The following TMEM132D variants were observed in gnomAD, a reference collection of about 807,000 sequenced individuals.
The protein encoded by TMEM132D is mature OL transmembrane protein.
Under a neutral mutation model 62.3 loss-of-function variants are expected in TMEM132D, and 21 were observed. That is an observed-to-expected ratio of 0.34 (90% CI 0.24 to 0.49). The LOEUF (loss-of-function observed/expected upper bound fraction) is 0.49, where lower values mean the gene tolerates loss of function less well. Ranked by LOEUF, TMEM132D falls within the 20% of genes least tolerant of loss-of-function variation. The probability of loss-of-function intolerance (pLI) is 0.99; values close to 1 mark genes in which losing one functional copy is unlikely to be tolerated. For missense variants in TMEM132D, 1,346 were observed against 1,402.8 expected (o/e 0.96, Z 0.65); for synonymous variants, 621 against 575.6 (o/e 1.08, Z -1.13).
chr12:129,308,521 C>T (rs181292153), intron 4 of TMEM132D, among the ~76,000 whole-genome samples: 6 of 152,278 alleles, frequency 3.9e-5, no homozygotes, highest in East Asian at 1.9e-4. Context: ...CTTTGGCCAA[C>T]GTTTCAATAA....
At chr12:129,483,193 T>G (rs981741750) in intron 3 of TMEM132D, among the ~76,000 whole-genome samples, 12 of 152,242 alleles carry the variant, frequency 7.9e-5, no homozygotes, top group African/African-American at 2.4e-4. Context: ...ACAGTCTGCA[T>G]GTCTGATAGA....
chr12:129,688,958 TG>T (rs1467640366), intron 2 of TMEM132D, among the ~76,000 whole-genome samples: 2 of 152,148 alleles, frequency 1.3e-5, no homozygotes, highest in Non-Finnish European at 2.9e-5. Flanking sequence ...TTGCGTCCCT[TG>T]GGGATATCTG....
intron 5 of TMEM132D, among the ~76,000 whole-genome samples, chr12:129,196,156 TC>T (rs1239690545): frequency 5.3e-5 from 8 of 152,010 alleles, no homozygotes; most frequent in Non-Finnish European, 1.2e-4. Context: ...AGTTTATGGA[TC>T]TTGCCCTGGT....
rs148852519 is a variant in TMEM132D at position 129,439,675 on chromosome 12, C to G, written c.1115+91384G>C. 3.7e-4 allele frequency among the ~76,000 whole-genome samples: 56 copies of G among 152,308 alleles called. 2 individuals carry two copies. In the East Asian group the frequency reaches 0.01, roughly 28 times the overall value. The stretch of plus-strand genomic sequence containing the variant: ...TGTTGACCAGGCTGGTCTGGAACTG[C>G]TGACCTCAAGTGATCCACCTGCCTC... On this transcript the variant is annotated intron_variant, in intron 3 of 8. Transcript: ENST00000422113.
intron 1 of TMEM132D, among the ~76,000 whole-genome samples, chr12:129,754,218 C>T (rs1870093581): frequency 2.0e-5 from 3 of 152,344 alleles, no homozygotes; most frequent in South Asian, 2.1e-4. Context: ...GCAAGTTGGA[C>T]AGAGAAGAAA....
At chr12:129,591,739 T>G (rs1424737778) in intron 2 of TMEM132D, among the ~76,000 whole-genome samples, 2 of 152,058 alleles carry the variant, frequency 1.3e-5, no homozygotes, top group Non-Finnish European at 1.5e-5. Flanking sequence ...AGGGGGATTA[T>G]TTGCAAATAC....
chr12:129,519,257 G>T (rs73153012), intron 3 of TMEM132D, among the ~76,000 whole-genome samples: 36,119 of 151,970 alleles, frequency 0.24, 4,867 homozygotes, highest in Non-Finnish European at 0.29. Context: ...TGAACCTCGG[G>T]GACTACCAGA....
chr12:129,298,498 T>C (rs1206330113), intron 4 of TMEM132D, among the ~76,000 whole-genome samples: 4 of 152,136 alleles, frequency 2.6e-5, no homozygotes, highest in Admixed American at 1.3e-4. Flanking sequence ...TACTTTTTAA[T>C]ATAAAAGGCC....
At chr12:129,321,567 T>C (rs1048502131) in intron 4 of TMEM132D, among the ~76,000 whole-genome samples, 4 of 152,088 alleles carry the variant, frequency 2.6e-5, no homozygotes, top group African/African-American at 4.8e-5. Context: ...CTTTTCTTTT[T>C]TTTTTTTGAG....
chr12:129,480,187 C>T (rs73151096), intron 3 of TMEM132D, among the ~76,000 whole-genome samples: 3,096 of 152,316 alleles, frequency 0.02, 42 homozygotes, highest in Non-Finnish European at 0.03. Context: ...TGCCAGAAGC[C>T]CTAGTGTGTG....
rs147761886 is a variant in TMEM132D, at chr12:129,861,587, C to T, written c.79+41674G>A. 4.3e-3 allele frequency among the ~76,000 whole-genome samples: 648 copies of T among 152,044 alleles called. 4 individuals are homozygous for T. Among genetic ancestry groups the T allele is most frequent in the African/African-American group, 0.015 (625 of 41,436 alleles). ...ACCAGCCTGGCCAACATGGCGAAAC[C>T]CCATCTCTACTAAAAATACAAAAAT... On this transcript the variant is annotated intron_variant, in intron 1 of 8. Transcript: ENST00000422113.
intron 4 of TMEM132D, among the ~76,000 whole-genome samples, chr12:129,260,932 T>A (rs1462442137): frequency 1.3e-5 from 2 of 152,236 alleles, no homozygotes; most frequent in Non-Finnish European, 2.9e-5. Flanking sequence ...CTGAGGTTAG[T>A]TCCATATCTT....
intron 1 of TMEM132D, among the ~76,000 whole-genome samples, chr12:129,847,753 C>T (rs1167814898): frequency 6.6e-6 from 1 of 152,062 alleles, no homozygotes; most frequent in Non-Finnish European, 1.5e-5. Context: ...TAGAGACTGG[C>T]AGCTTCCACT....
At chr12:129,870,529 T>C (rs1874208131) in intron 1 of TMEM132D, among the ~76,000 whole-genome samples, 2 of 152,310 alleles carry the variant, frequency 1.3e-5, no homozygotes, top group African/African-American at 4.8e-5. Flanking sequence ...TGCCCTGGAT[T>C]CCATGAGGAG....
chr12:129,402,466 G>C (rs1244514168), intron 3 of TMEM132D, among the ~76,000 whole-genome samples: 2 of 152,184 alleles, frequency 1.3e-5, no homozygotes, highest in Non-Finnish European at 2.9e-5. Flanking sequence ...TCACTGCACT[G>C]TACACGGGTC....
intron 2 of TMEM132D, among the ~76,000 whole-genome samples, chr12:129,610,920 A>G (rs1329847559): frequency 6.6e-6 from 1 of 152,174 alleles, no homozygotes; most frequent in African/African-American, 2.4e-5. Context: ...CAGACAGATC[A>G]AGGCACTGGT....
At chr12:129,399,894 TG>T (rs925109742) in intron 3 of TMEM132D, among the ~76,000 whole-genome samples, 2 of 150,842 alleles carry the variant, frequency 1.3e-5, no homozygotes, top group African/African-American at 2.5e-5. Context: ...TGTGTGTGTG[TG>T]GGGGGGTATA....
At chr12:129,142,707 G>A (rs2135531188) in intron 5 of TMEM132D, among the ~76,000 whole-genome samples, 1 of 152,256 alleles carries the variant, frequency 6.6e-6, no homozygotes, top group Non-Finnish European at 1.5e-5. Flanking sequence ...CAAAATACAG[G>A]TAGTCGTGGG....
At chr12:129,241,737 T>G (rs1347265629) in intron 4 of TMEM132D, among the ~76,000 whole-genome samples, 2 of 152,234 alleles carry the variant, frequency 1.3e-5, no homozygotes, top group South Asian at 4.1e-4. Context: ...AGATCTATCT[T>G]TCCTGCCAGA....
Sources: gnomAD v4.1 joint callset for allele counts (sites outside exome capture counted in the v4.1 genomes callset) on GRCh38, gnomAD v4.1.1 for gene constraint, MANE v1.5 for transcripts, NCBI Gene and HGNC (gene_info 2026-07-23, HGNC 2026-07-21) for gene names.